LIN54: variants seen among roughly 807,000 people sequenced by gnomAD.
The protein encoded by LIN54 is protein lin-54 homolog.
In LIN54, 9 loss-of-function variants were observed where a neutral mutation model predicts 78.7. That is an observed-to-expected ratio of 0.11 (90% confidence interval 0.07 to 0.20). The LOEUF (loss-of-function observed/expected upper bound fraction) is 0.20. Among genes scored for constraint, LIN54 ranks in the 10% least tolerant of loss-of-function variants. The pLI, the probability that LIN54 is intolerant of heterozygous loss-of-function variation, is 1.00. For synonymous variants in LIN54, 269 were observed against 318.4 expected, an observed-to-expected ratio of 0.84 and a Z score of 1.65; for missense variants, 573 against 889.9, an observed-to-expected ratio of 0.64 and a Z score of 4.53.
chr4:82,940,415 GACTC>G (rs1722752868), intron 5 of LIN54, among the ~76,000 whole-genome samples: 1 of 151,892 alleles, frequency 6.6e-6, no homozygotes, highest in Admixed American at 6.6e-5. Flanking sequence ...TTGAGACGGA[GACTC>G]ACTCTGTCTG....
chr4:82,948,080 G>A (rs1723547597), intron 4 of LIN54, among the ~76,000 whole-genome samples: 1 of 151,916 alleles, frequency 6.6e-6, no homozygotes, highest in Non-Finnish European at 1.5e-5. Context: ...AAAACAGAAA[G>A]CATAAGAAAA....
At chr4:82,946,234 T>A in intron 5 of LIN54, 24 bp downstream of exon 5, 1 of 1,552,812 alleles carries the variant, frequency 6.4e-7, no homozygotes, top group South Asian at 1.1e-5. Context: ...CATGAATTAC[T>A]GTTTTTAAAA....
At chr4:82,945,701 TA>T (rs1723298736) in intron 5 of LIN54, among the ~76,000 whole-genome samples, 1 of 151,970 alleles carries the variant, frequency 6.6e-6, no homozygotes, top group Non-Finnish European at 1.5e-5. Flanking sequence ...ACCATATTGT[TA>T]AGGCTGGTCT....
intron 12 of LIN54, among the ~76,000 whole-genome samples, chr4:82,929,615 G>A (rs1721778491): frequency 6.6e-6 from 1 of 151,978 alleles, no homozygotes; most frequent in African/African-American, 2.4e-5. Flanking sequence ...GACCAGGCTG[G>A]CCAACATAGT....
intron 1 of LIN54, among the ~76,000 whole-genome samples, chr4:82,991,904 G>C (rs1560782927): frequency 6.6e-6 from 1 of 151,956 alleles, no homozygotes; most frequent in South Asian, 2.1e-4. Flanking sequence ...TTTTTGTTAT[G>C]TTAATGAGGG....
intron 4 of LIN54, among the ~76,000 whole-genome samples, chr4:82,965,808 CA>C (rs1725153753): frequency 6.6e-6 from 1 of 152,104 alleles, no homozygotes; most frequent in Admixed American, 6.6e-5. Flanking sequence ...GGAGTCTCAG[CA>C]GACTCAAGGC....
intron 9 of LIN54, among the ~76,000 whole-genome samples, chr4:82,936,836 A>C (rs1450255205): frequency 6.6e-6 from 1 of 152,202 alleles, no homozygotes; most frequent in African/African-American, 2.4e-5. Context: ...TAACTATTTC[A>C]TGTCAAGTCT....
At chr4:83,012,503 G>T (rs1163041929), upstream of LIN54, among the ~76,000 whole-genome samples, 2 of 152,256 alleles carry the variant, frequency 1.3e-5, no homozygotes, top group Non-Finnish European at 2.9e-5. Context: ...CCAGACCGCC[G>T]GGCAGGCGGC....
At chr4:83,011,549 A>G (rs556966706), upstream of LIN54, among the ~76,000 whole-genome samples, 1 of 151,936 alleles carries the variant, frequency 6.6e-6, no homozygotes, top group Non-Finnish European at 1.5e-5. Flanking sequence ...ACTCTTAGCT[A>G]AAATTATTTG....
intron 2 of LIN54, 56 bp downstream of exon 2, chr4:82,984,105 C>T: frequency 8.3e-7 from 1 of 1,197,638 alleles, no homozygotes; most frequent in Non-Finnish European, 1.2e-6. Flanking sequence ...AACTATGAAT[C>T]AGTTAAATTT....
intron 4 of LIN54, among the ~76,000 whole-genome samples, chr4:82,953,358 G>A (rs1724002271): frequency 6.6e-6 from 1 of 152,154 alleles, no homozygotes; most frequent in African/African-American, 2.4e-5. Context: ...TTCTGGAGAT[G>A]GATGGTTGTG....
At chr4:82,937,778 G>C (rs1722507875) in intron 8 of LIN54, among the ~76,000 whole-genome samples, 1 of 152,070 alleles carries the variant, frequency 6.6e-6, no homozygotes. Context: ...TATTGCAAAA[G>C]CCAGTAATTA....
rs572343265 is a variant in LIN54, at chr4:82,973,224, T to C, written c.809-2755A>G. 8.5e-5 allele frequency among the ~76,000 whole-genome samples: 13 copies of C among 152,266 alleles called. 1 individual carries two copies. The South Asian group carries it at 2.3e-3, about 27-fold the overall frequency. ...GGGGAGAGAGATTGCTTCTGAAAATTTGGACGACAGCAAAATGATAAATTA... is the reference window on the plus strand; with the variant it reads ...GGGGAGAGAGATTGCTTCTGAAAATCTGGACGACAGCAAAATGATAAATTA... On this transcript the variant is annotated intron_variant, in intron 3 of 12. Transcript: ENST00000340417.
chr4:82,935,507 C>T (rs1018097963), intron 11 of LIN54, among the ~76,000 whole-genome samples: 2 of 151,684 alleles, frequency 1.3e-5, no homozygotes, highest in Non-Finnish European at 2.9e-5. Context: ...AGGCAGGTCT[C>T]GAACTCCTGA....
rs1560796782 is a variant in LIN54, at chr4:83,001,973, AGG to A, written c.-33+8509_-33+8510del. On this transcript the variant is annotated intron_variant, in intron 1 of 12. Coordinates refer to ENST00000340417, the MANE Select transcript of LIN54 (RefSeq NM_194282.4). ...AAGGAAGGAAGGAAGGAAGGAAGGA[AGG>A]AAGGGAGGGATCTTGGAGAAATTCA... Among the ~76,000 whole-genome samples, 151 of 24,458 alleles carry A rather than the reference AGG, an allele frequency of 6.2e-3. 56 individuals are homozygous for A. The highest frequency in any genetic ancestry group is 0.012 in the African/African-American group (126 of 10,456). The allele number at this position is 24,458 out of a possible 152,430, so 16.0% of individuals were successfully genotyped here. A position where few individuals can be genotyped will look rare whatever the true frequency, so the allele number is the denominator to read the frequency against.
At chr4:82,975,194 C>T (rs1726063556) in intron 3 of LIN54, among the ~76,000 whole-genome samples, 1 of 151,618 alleles carries the variant, frequency 6.6e-6, no homozygotes. Context: ...CCCTTCTCTA[C>T]TAAAAATACA....
Position 82,931,083 on chromosome 4 carries a change from C to A in LIN54, c.1908G>T (p.Pro636=), listed in dbSNP as rs373076659. The change falls in exon 12 of 13, where the codon CCG becomes CCT. Residue 636 remains proline, a synonymous_variant. Transcript: ENST00000340417. ...CCAAATGCATCAATGTCTTCCTTTC[C>A]GGGCTTTCTTCAAAATTCTTACAGC... ...CIGCKNFEES[P]ERKTLMHLAD... 6.2e-7 allele frequency: 1 copy of A among 1,614,122 alleles called. No individual in the cohort carries two copies. Among genetic ancestry groups the A allele is most frequent in the Non-Finnish European group, 8.5e-7 (1 of 1,180,018 alleles).
chr4:82,953,669 C>G (rs138353238), intron 4 of LIN54, among the ~76,000 whole-genome samples: 1 of 152,222 alleles, frequency 6.6e-6, no homozygotes, highest in East Asian at 1.9e-4. Flanking sequence ...CAGTATCGCC[C>G]TGGCATGCAA....
At chr4:83,006,490 T>C (rs1427209700) in intron 1 of LIN54, among the ~76,000 whole-genome samples, 1 of 149,498 alleles carries the variant, frequency 6.7e-6, no homozygotes, top group Non-Finnish European at 1.5e-5. Context: ...AACTATTGGA[T>C]ACTATGCTCG....
Sources: allele counts gnomAD v4.1 joint callset (sites outside exome capture counted in the v4.1 genomes callset), GRCh38; gene constraint gnomAD v4.1.1; transcripts MANE v1.5; gene names NCBI Gene and HGNC (gene_info 2026-07-23, HGNC 2026-07-21).